Variants in GCFC2 observed in about 807,000 individuals in gnomAD.
GCFC2 encodes intron Large complex component GCFC2.
In GCFC2, 102 loss-of-function variants were observed where a neutral mutation model predicts 99.4. The observed-to-expected ratio is 1.03, with a 90% CI of 0.87 to 1.21. The LOEUF is 1.21. Ranked by LOEUF, GCFC2 falls within the 50% of genes most tolerant of loss-of-function variation. GCFC2 has a pLI of 0.00. For missense variants in GCFC2, 973 were observed against 920.9 expected, an observed-to-expected ratio of 1.06 and a Z score of -0.73; for synonymous variants, 338 against 316.8, an observed-to-expected ratio of 1.07 and a Z score of -0.71.
intron 6 of GCFC2, among the ~76,000 whole-genome samples, chr2:75,693,703 A>G (rs981669234): frequency 2.0e-5 from 3 of 152,114 alleles, no homozygotes; most frequent in Non-Finnish European, 4.4e-5. Flanking sequence ...TTTAAGCTAT[A>G]AAGAATTGTT....
chr2:75,692,024 C>T lies in GCFC2; in HGVS notation c.1097G>A (p.Arg366Lys). 2 of 1,564,624 alleles carry T rather than the reference C, an allele frequency of 1.3e-6. No homozygotes were observed. Among genetic ancestry groups the T allele is most frequent in the Non-Finnish European group, 1.7e-6 (2 of 1,149,350 alleles). ...TGATTCATGTTTTAATTCATCTTGC[C>T]TGCGTTTCATAAAGGTCATAGCTTG... is the stretch of plus-strand genomic sequence containing the variant. Reference protein sequence around the residue: ...LKQAMTFMKRRQDELKHESTY... With the variant: ...LKQAMTFMKRKQDELKHESTY... Residue 366 changes from arginine (R) to lysine (K), a missense_variant, in exon 7 of 17, where the codon AGG (arginine) becomes AAG (lysine). Transcript: ENST00000321027.
chr2:75,700,871 C>T (rs1680554652), intron 4 of GCFC2, among the ~76,000 whole-genome samples: 4 of 152,074 alleles, frequency 2.6e-5, no homozygotes, highest in Admixed American at 2.6e-4. Flanking sequence ...AACCCAATGA[C>T]AAGTATCCTT....
chr2:75,693,306 G>A (rs1276460012), intron 6 of GCFC2, among the ~76,000 whole-genome samples: 20 of 152,062 alleles, frequency 1.3e-4, no homozygotes. Flanking sequence ...TGGGTGTGGT[G>A]GTGCACGCCT....
At chr2:75,665,889 T>C (rs772435454) in intron 16 of GCFC2, 40 bp downstream of exon 16, 4 of 1,380,756 alleles carry the variant, frequency 2.9e-6, no homozygotes, top group Non-Finnish European at 4.0e-6. Flanking sequence ...ACAGAATCCA[T>C]GAACTCTCTT....
intron 4 of GCFC2, among the ~76,000 whole-genome samples, chr2:75,698,556 C>A (rs1558749271): frequency 2.0e-5 from 3 of 152,084 alleles, no homozygotes; most frequent in Non-Finnish European, 4.4e-5. Context: ...GCAAGGAAAT[C>A]AGAATTCAAA....
At chr2:75,710,940 G>A (rs966629760), upstream of GCFC2, 5 of 1,370,230 alleles carry the variant, frequency 3.6e-6, no homozygotes, top group African/African-American at 7.7e-5. Context: ...GCGCGCTCCC[G>A]CCGCGCCTGG....
intron 2 of GCFC2, among the ~76,000 whole-genome samples, chr2:75,705,122 A>T (rs1680782518): frequency 6.6e-6 from 1 of 152,246 alleles, no homozygotes; most frequent in African/African-American, 2.4e-5. Flanking sequence ...CCATATGGAC[A>T]GTGAAGATAG....
At chr2:75,691,557 A>AC (rs1274659045) in intron 7 of GCFC2, among the ~76,000 whole-genome samples, 1 of 152,174 alleles carries the variant, frequency 6.6e-6, no homozygotes, top group African/African-American at 2.4e-5. Context: ...CTCTGAAAGT[A>AC]CAAAATCAAT....
intron 4 of GCFC2, among the ~76,000 whole-genome samples, chr2:75,699,763 GT>G (rs1331262951): frequency 6.6e-6 from 1 of 152,014 alleles, no homozygotes; most frequent in Non-Finnish European, 1.5e-5. Context: ...TTTTAGTAGA[GT>G]TCAGGTCTCA....
Position 75,672,395 on chromosome 2 carries a change from A to G in GCFC2, c.1890-379T>C, listed in dbSNP as rs568701339. On this transcript the variant is annotated intron_variant, in intron 13 of 16. Coordinates refer to ENST00000321027, the MANE Select transcript of GCFC2 (RefSeq NM_003203.5). ...TATAAACAAATAACTAATATATCAC[A>G]TTCATACATCTGAACCATGTGAATG... 3.2e-3 allele frequency among the ~76,000 whole-genome samples: 485 copies of G among 150,450 alleles called. 5 individuals carry two copies. Among genetic ancestry groups the G allele is most frequent in the African/African-American group, 0.011 (442 of 41,148 alleles).
rs760448924 is a variant in GCFC2 at position 75,666,010 on chromosome 2, A to G, written c.2147T>C (p.Met716Thr). The G allele has an allele frequency of 1.2e-5, 19 of 1,605,806 alleles. No homozygotes were observed. Among genetic ancestry groups the G allele is most frequent in the East Asian group, 2.2e-5 (1 of 44,658 alleles). The change falls in exon 16 of 17, where the codon ATG (methionine) becomes ACG (threonine). Residue 716 changes from methionine to threonine, a missense_variant. By Grantham distance (81) the Met-to-Thr change is moderately conservative. Transcript: ENST00000321027. ...LPEKWFENSA[M>T]RTSIPQLENF... ...TTCTAGCTGTGGAATAGATGTCCTC[A>G]TGGCAGAATTTTCAAACCATTTTTC...
At chr2:75,687,335 C>A (rs1271011721) in intron 11 of GCFC2, among the ~76,000 whole-genome samples, 2 of 152,060 alleles carry the variant, frequency 1.3e-5, no homozygotes, top group Non-Finnish European at 2.9e-5. Context: ...TAAAAAATGA[C>A]TGAAGTGCCA....
chr2:75,690,160 C>T lies in GCFC2; in HGVS notation c.1227-79G>A, dbSNP rs946824136. ...AATAAATGCCTAAATTTTTTTTAAC[C>T]TCTTGCTGAAAATAAGTAATTTTAT... On this transcript the variant is annotated intron_variant, in intron 8 of 16. Transcript: ENST00000321027. 3 of 756,446 alleles carry T rather than the reference C, an allele frequency of 4.0e-6. No individual in the cohort carries two copies. In the African/African-American group the frequency reaches 5.3e-5, roughly 13 times the overall value. 46.9% of individuals were successfully genotyped at this position (756,446 alleles called of 1,614,324 possible).
chr2:75,672,247 GTTTATAAAATATATATTTATA>G (rs1679130260), intron 13 of GCFC2, among the ~76,000 whole-genome samples: 1 of 43,304 alleles, frequency 2.3e-5, no homozygotes, highest in African/African-American at 6.2e-5. Context: ...TTATAAATAT[GTTTATAAAATATATATTTATA>G]TATTTATAAA....
chr2:75,691,244 C>G (rs1237440405), intron 7 of GCFC2, among the ~76,000 whole-genome samples: 1 of 152,096 alleles, frequency 6.6e-6, no homozygotes, highest in Non-Finnish European at 1.5e-5. Flanking sequence ...TAAAGTAGAA[C>G]AATGAAAATA....
intron 11 of GCFC2, 116 bp from the exon 12 acceptor site, chr2:75,680,430 C>A: frequency 1.4e-6 from 1 of 726,928 alleles, no homozygotes; most frequent in South Asian, 2.2e-5. Context: ...GTTTAAGTTC[C>A]ATGGCCAATT....
chr2:75,685,847 T>G (rs978939443), intron 11 of GCFC2, among the ~76,000 whole-genome samples: 1 of 152,196 alleles, frequency 6.6e-6, no homozygotes, highest in Non-Finnish European at 1.5e-5. Context: ...GCTGCTATGC[T>G]AATACAGCTC....
At position 75,701,250 on chromosome 2, in the gene GCFC2, T is replaced by C. The variant is rs1680575734; in HGVS notation, c.657A>G (p.Glu219=). The part of the protein sequence containing the change: ...RNEETSEESQ[E]DEKQDTWEQQ... ...GTTCCCAAGTATCTTGCTTTTCATC[T>C]TCCTGACTTTCTTCACTTGTTTCTT... The change falls in exon 4 of 17, where the codon GAA becomes GAG. Residue 219 remains glutamate (E), a synonymous_variant. Coordinates refer to ENST00000321027, the MANE Select transcript of GCFC2 (RefSeq NM_003203.5). 26 of 1,608,782 alleles carry C rather than the reference T, an allele frequency of 1.6e-5. No individual in the cohort carries two copies. The highest frequency in any genetic ancestry group is 2.1e-5 in the Non-Finnish European group (25 of 1,175,138).
At chr2:75,675,397 A>T (rs747344765) in intron 12 of GCFC2, among the ~76,000 whole-genome samples, 1 of 152,228 alleles carries the variant, frequency 6.6e-6, no homozygotes, top group Non-Finnish European at 1.5e-5. Context: ...CTTATTCATG[A>T]AAGTTTTCTT....
Sources: gnomAD v4.1 joint callset for allele counts (sites outside exome capture counted in the v4.1 genomes callset) on GRCh38, gnomAD v4.1.1 for gene constraint, MANE v1.5 for transcripts, NCBI Gene and HGNC (gene_info 2026-07-23, HGNC 2026-07-21) for gene names.